The following COIL variants were observed in gnomAD, a reference collection of about 807,000 sequenced individuals.
The protein encoded by COIL is coilin p80.
Under a neutral mutation model 51.6 loss-of-function variants are expected in COIL, and 28 were observed. The ratio of observed to expected loss-of-function variants is 0.54; its 90% CI spans 0.40 to 0.74. The LOEUF (loss-of-function observed/expected upper bound fraction) is 0.74, where lower values mean the gene tolerates loss of function less well. Ranked by LOEUF, COIL falls within the 30% of genes least tolerant of loss-of-function variation. COIL has a pLI of 0.00. For synonymous variants in COIL, 233 were observed against 255.8 expected, an observed-to-expected ratio of 0.91 and a Z score of 0.85; for missense variants, 667 against 685.9, an observed-to-expected ratio of 0.97 and a Z score of 0.31.
Position 56,949,402 on chromosome 17 carries a change from A to G in COIL, c.1473T>C (p.Asp491=). ...LLELTSSYSP[D]VSDYKEGRIL... Reference sequence around the variant, plus strand: ...ACATCCTTACCTTGTAGTCAGAGACATCAGGAGAGTAACTGGATGTTAGCT... The same window carrying G: ...ACATCCTTACCTTGTAGTCAGAGACGTCAGGAGAGTAACTGGATGTTAGCT... Residue 491 remains aspartate, a synonymous_variant, in exon 4 of 7, where the codon GAT becomes GAC. Transcript: ENST00000240316. 3 of 1,597,364 alleles carry G rather than the reference A, an allele frequency of 1.9e-6. No homozygotes were observed. Among genetic ancestry groups the G allele is most frequent in the Non-Finnish European group, 2.6e-6 (3 of 1,176,466 alleles).
intron 1 of COIL, among the ~76,000 whole-genome samples, chr17:56,957,247 A>G (rs1910501058): frequency 6.6e-6 from 1 of 151,748 alleles, no homozygotes; most frequent in African/African-American, 2.4e-5. Flanking sequence ...ACCCTGTCTC[A>G]AAAAATAAGG....
chr17:56,953,137 C>T (rs184329282), intron 1 of COIL, among the ~76,000 whole-genome samples: 10 of 151,918 alleles, frequency 6.6e-5, no homozygotes, highest in East Asian at 3.9e-4. Flanking sequence ...TCAGGCTGGG[C>T]ACGGTGGCTC....
chr17:56,943,751 T>C lies in COIL; in HGVS notation c.1559-1628A>G, dbSNP rs780231781. Among the ~76,000 whole-genome samples the C allele has an allele frequency of 5.3e-5, 8 of 152,332 alleles. No homozygotes were observed. The South Asian group carries it at 8.3e-4, about 16-fold the overall frequency. ...ATGCACTTACAGTTAACATATGCAA[T>C]GTTGCTGGGGGACTAGTATTACTTA... On this transcript the variant is annotated intron_variant, in intron 5 of 6. Coordinates refer to ENST00000240316, the MANE Select transcript of COIL (RefSeq NM_004645.3).
At position 56,939,118 on chromosome 17, in the gene COIL, G is replaced by A. The variant is rs756813123; in HGVS notation, c.1684C>T (p.Leu562=). 22 of 1,605,398 alleles carry A rather than the reference G, an allele frequency of 1.4e-5. 1 individual carries two copies. The highest frequency in any genetic ancestry group is 2.7e-5 in the African/African-American group (2 of 74,724). ...GTGTTACTTGGAGATTCAATAATCA[G>A]TCTTGGGTCAATCAACTCTTTCCAA... ...VFWKELIDPR[L]IIESPSNTSS... is the part of the protein sequence containing the mutation. Residue 562 remains leucine, a synonymous_variant, in exon 7 of 7, where the codon CTG becomes TTG. Transcript: ENST00000240316.
chr17:56,953,237 C>T (rs1247854822), intron 1 of COIL, among the ~76,000 whole-genome samples: 2 of 151,772 alleles, frequency 1.3e-5, no homozygotes, highest in Admixed American at 6.6e-5. Flanking sequence ...CAGTGAAACC[C>T]CGTCTCTACT....
At chr17:56,946,371 G>A (rs936469684) in intron 5 of COIL, 71 bp downstream of exon 5, 2 of 1,025,376 alleles carry the variant, frequency 2.0e-6, no homozygotes, top group Non-Finnish European at 3.0e-6. Context: ...AACATCTCCT[G>A]TGTATAAAAG....
At chr17:56,948,875 ATCT>A (rs1320760320) in intron 4 of COIL, among the ~76,000 whole-genome samples, 1 of 151,652 alleles carries the variant, frequency 6.6e-6, no homozygotes, top group African/African-American at 2.4e-5. Flanking sequence ...AAATAATCAA[ATCT>A]TCTTGCTGAG....
intron 5 of COIL, among the ~76,000 whole-genome samples, chr17:56,943,809 C>T (rs997642756): frequency 3.9e-5 from 6 of 152,152 alleles, no homozygotes; most frequent in African/African-American, 1.4e-4. Flanking sequence ...ATATGTATAT[C>T]AGAACCACCA....
intron 1 of COIL, among the ~76,000 whole-genome samples, chr17:56,953,342 T>C (rs185454191): frequency 0.012 from 1,578 of 135,450 alleles, 20 homozygotes; most frequent in Non-Finnish European, 0.013. Flanking sequence ...ACCTGGGAGG[T>C]GGAGCTTGCA....
chr17:56,947,953 C>A (rs1910281477), intron 4 of COIL, among the ~76,000 whole-genome samples: 1 of 152,020 alleles, frequency 6.6e-6, no homozygotes, highest in Non-Finnish European at 1.5e-5. Context: ...TCCAGCATAA[C>A]TATTAATAGC....
intron 1 of COIL, among the ~76,000 whole-genome samples, chr17:56,959,686 CACA>C (rs1341571903): frequency 3.9e-5 from 6 of 152,314 alleles, no homozygotes; most frequent in Admixed American, 2.6e-4. Flanking sequence ...ATGAAGAAAA[CACA>C]ACGATTCCCC....
intron 6 of COIL, 55 bp downstream of exon 6, chr17:56,941,980 A>T: frequency 7.3e-7 from 1 of 1,375,304 alleles, no homozygotes; most frequent in Non-Finnish European, 1.0e-6. Flanking sequence ...AACCACAGGT[A>T]ATTGGTCAAG....
Position 56,960,785 on chromosome 17 carries a change from C to A in COIL, c.235G>T (p.Asp79Tyr), listed in dbSNP as rs1292757618. The change falls in exon 1 of 7, where the codon GAC (aspartate) becomes TAC (tyrosine). Residue 79 changes from aspartate (D) to tyrosine (Y), a missense_variant. Coordinates refer to ENST00000240316, the MANE Select transcript of COIL (RefSeq NM_004645.3). ...AESARLVRDN[D>Y]CLRVKLEERG... ...CCCTGCGCCGCGCACCTGAGGCAGT[C>A]GTTGTCTCTCACAAGGCGCGCGCTC... 3.8e-6 allele frequency: 6 copies of A among 1,577,672 alleles called. No homozygotes were observed. The Admixed American group carries it at 5.5e-5, about 15-fold the overall frequency.
In COIL at chr17:56,940,400, G is replaced by A. The variant is rs925182684; in HGVS notation, c.1648-1246C>T. 5.9e-5 allele frequency among the ~76,000 whole-genome samples: 9 copies of A among 152,118 alleles called. No individual in the cohort carries two copies. In the South Asian group the frequency reaches 6.2e-4, roughly 11 times the overall value. On this transcript the variant is annotated intron_variant, in intron 6 of 6. Coordinates refer to ENST00000240316, the MANE Select transcript of COIL (RefSeq NM_004645.3). ...TGCTGTGATTACAGGCATGAGCCACGGTGCCCAGCCTAATTACAGGCTTTC... is the reference window on the plus strand; with the variant it reads ...TGCTGTGATTACAGGCATGAGCCACAGTGCCCAGCCTAATTACAGGCTTTC...
chr17:56,940,587 T>C (rs951367061), intron 6 of COIL, among the ~76,000 whole-genome samples: 1 of 152,136 alleles, frequency 6.6e-6, no homozygotes, highest in Non-Finnish European at 1.5e-5. Context: ...TAAAAATGTG[T>C]TTCTGGAATA....
intron 5 of COIL, among the ~76,000 whole-genome samples, chr17:56,944,004 T>TA (rs556602106): frequency 8.6e-5 from 13 of 151,736 alleles, no homozygotes; most frequent in Non-Finnish European, 1.5e-4. Context: ...TAGCGAGGAC[T>TA]ACAAGCATGT....
intron 1 of COIL, among the ~76,000 whole-genome samples, chr17:56,953,293 C>T (rs1910413935): frequency 6.6e-6 from 1 of 151,650 alleles, no homozygotes; most frequent in East Asian, 1.9e-4. Context: ...CGCCTGTAGT[C>T]CCAGCTACTC....
chr17:56,953,106 T>C (rs768875758), intron 1 of COIL, among the ~76,000 whole-genome samples: 9 of 151,642 alleles, frequency 5.9e-5, no homozygotes, highest in South Asian at 2.1e-4. Context: ...AGGGAGACCC[T>C]GTCTCTACAA....
intron 5 of COIL, among the ~76,000 whole-genome samples, chr17:56,943,524 A>G (rs1910186229): frequency 6.6e-6 from 1 of 152,154 alleles, no homozygotes; most frequent in Admixed American, 6.5e-5. Context: ...CGTGTTGTAA[A>G]ATGTCATGCA....
Sources: allele counts gnomAD v4.1 joint callset (sites outside exome capture counted in the v4.1 genomes callset), GRCh38; gene constraint gnomAD v4.1.1; transcripts MANE v1.5; gene names NCBI Gene and HGNC (gene_info 2026-07-23, HGNC 2026-07-21).